Variants in ST14 observed in about 807,000 individuals in gnomAD.
ST14 encodes the protein suppressor of tumorigenicity 14 protein.
A neutral mutation model predicts 96.5 loss-of-function variants in ST14; 40 were observed. That is an observed-to-expected ratio of 0.41 (90% CI 0.32 to 0.54). ST14 has a LOEUF of 0.54. Ranked by LOEUF, ST14 falls within the 20% of genes least tolerant of loss-of-function variation. ST14 has a pLI of 0.17. For missense variants in ST14, 1,066 were observed against 1,188.9 expected (o/e 0.90, Z 1.52); for synonymous variants, 506 against 492.1 (o/e 1.03, Z -0.37).
rs1408855217 is a variant in ST14, at chr11:130,159,966, CG to C, written c.-12del. On this transcript the variant is annotated 5_prime_UTR_variant, in exon 1 of 19. Transcript: ENST00000278742. Reference sequence around the variant, plus strand: ...GGACGACGCCTGTGAGACCCGCGAGCGGCCTCGGGGACCATGGGGAGCGATC... The same window carrying C: ...GGACGACGCCTGTGAGACCCGCGAGCGCCTCGGGGACCATGGGGAGCGATC... 38 of 1,322,116 alleles carry C rather than the reference CG, an allele frequency of 2.9e-5. No individual in the cohort carries two copies. The highest frequency in any genetic ancestry group is 3.6e-5 in the Non-Finnish European group (37 of 1,024,010). 81.9% of individuals were successfully genotyped at this position (1,322,116 alleles called of 1,614,324 possible).
chr11:130,161,667 C>A (rs1330750127), intron 1 of ST14, among the ~76,000 whole-genome samples: 1 of 152,222 alleles, frequency 6.6e-6, no homozygotes, highest in East Asian at 1.9e-4. Context: ...CTCATTTCCT[C>A]CTCCTCTGCG....
At chr11:130,164,503 T>C (rs1228396163) in intron 1 of ST14, among the ~76,000 whole-genome samples, 1 of 151,902 alleles carries the variant, frequency 6.6e-6, no homozygotes, top group African/African-American at 2.4e-5. Context: ...CACTGCCACT[T>C]TGACCTCCCG....
rs1303724594 is a variant in ST14, at chr11:130,188,735, G to A, written c.369+78G>A. 17 of 1,611,672 alleles carry A rather than the reference G, an allele frequency of 1.1e-5. No homozygotes were observed. The highest frequency in any genetic ancestry group is 5.3e-5 in the African/African-American group (4 of 74,874). Reference sequence around the variant, plus strand: ...CTGCTGGGCAGGAGGGACATGCCTCGCCTGTGCTCCCAGGGCCCTGGGATG... The same window carrying A: ...CTGCTGGGCAGGAGGGACATGCCTCACCTGTGCTCCCAGGGCCCTGGGATG... On this transcript the variant is annotated intron_variant, in intron 3 of 18. Coordinates refer to ENST00000278742, the MANE Select transcript of ST14 (RefSeq NM_021978.4). This position sits in a 1 kb window ranked among gnomAD's most constrained non-coding sequence, Gnocchi z 5.4.
intron 9 of ST14, among the ~76,000 whole-genome samples, chr11:130,195,483 G>T (rs1953350495): frequency 6.6e-6 from 1 of 152,160 alleles, no homozygotes; most frequent in Non-Finnish European, 1.5e-5. Flanking sequence ...ATCAAAGAAG[G>T]TGTGTGAGAC....
At chr11:130,192,924 C>T (rs1446939819) in intron 7 of ST14, among the ~76,000 whole-genome samples, 1 of 152,090 alleles carries the variant, frequency 6.6e-6, no homozygotes, top group Non-Finnish European at 1.5e-5. Flanking sequence ...AGCTTGAATG[C>T]CTGAGTTTAA....
At position 130,160,009 on chromosome 11, in the gene ST14, A is replaced by AG. The variant is rs1325658486; in HGVS notation, c.35dup (p.Lys14GlufsTer86). The AG allele has an allele frequency of 1.4e-6, 2 of 1,423,242 alleles. No homozygotes were observed. Among genetic ancestry groups the AG allele is most frequent in the South Asian group, 1.5e-5 (1 of 68,034 alleles). The allele number at this position is 1,423,242 out of a possible 1,614,324, so 88.2% of individuals were successfully genotyped here. ...GGAGCGATCGGGCCCGCAAGGGCGG[A>AG]GGGGGCCCGAAGGACTTCGGCGCGG... On this transcript the variant is annotated frameshift_variant, in exon 1 of 19. Transcript: ENST00000278742. LOFTEE classifies it high-confidence loss of function.
intron 16 of ST14, among the ~76,000 whole-genome samples, chr11:130,204,994 G>A (rs1363285970): frequency 2.0e-5 from 3 of 152,128 alleles, no homozygotes; most frequent in Admixed American, 6.5e-5. Context: ...GGAAAATGAA[G>A]CGGGTCTTCA....
intron 1 of ST14, among the ~76,000 whole-genome samples, chr11:130,164,139 G>A (rs1011455737): frequency 2.0e-5 from 3 of 152,208 alleles, no homozygotes; most frequent in African/African-American, 7.2e-5. Flanking sequence ...AAGAGGAAGG[G>A]AAACGTGACA....
chr11:130,176,513 C>T (rs897852398), intron 1 of ST14, among the ~76,000 whole-genome samples: 3 of 151,560 alleles, frequency 2.0e-5, no homozygotes, highest in African/African-American at 4.8e-5. Flanking sequence ...CTCAGCCTCC[C>T]GAGTAGCTGG....
intron 1 of ST14, among the ~76,000 whole-genome samples, chr11:130,185,015 T>C (rs921686029): frequency 6.6e-6 from 1 of 152,186 alleles, no homozygotes; most frequent in African/African-American, 2.4e-5. Context: ...TGGCAAGGCA[T>C]GCACACAGAG....
intron 14 of ST14, 128 bp downstream of exon 14, chr11:130,198,749 G>A: frequency 7.3e-7 from 1 of 1,364,260 alleles, no homozygotes; most frequent in Non-Finnish European, 1.0e-6. Context: ...AGTGTGATGA[G>A]AAAGGGCTCT....
At chr11:130,163,491 G>A (rs1267279102) in intron 1 of ST14, among the ~76,000 whole-genome samples, 1 of 152,112 alleles carries the variant, frequency 6.6e-6, no homozygotes, top group Non-Finnish European at 1.5e-5. Flanking sequence ...CCAGGTGATC[G>A]ATCCTCCTTG....
chr11:130,175,500 C>G (rs1285050607), intron 1 of ST14, among the ~76,000 whole-genome samples: 1 of 151,998 alleles, frequency 6.6e-6, no homozygotes, highest in Non-Finnish European at 1.5e-5. Context: ...CCACCTCAGC[C>G]TCCCGAGTAG....
Position 130,198,047 on chromosome 11 carries a change from G to A in ST14, c.1459+102G>A, listed in dbSNP as rs1953387079. ...CTGCCGAGGCAGAAAGGCCGGAGGT[G>A]GTGGGAGTTTTTGCTCTCGGCCCTG... is the stretch of plus-strand genomic sequence containing the variant. On this transcript the variant is annotated intron_variant, in intron 12 of 18. Coordinates refer to ENST00000278742, the MANE Select transcript of ST14 (RefSeq NM_021978.4). The A allele has an allele frequency of 8.6e-6, 11 of 1,282,340 alleles. No homozygotes were observed. In the South Asian group the frequency reaches 1.4e-4, roughly 16 times the overall value. 79.4% of individuals were successfully genotyped at this position (1,282,340 alleles called of 1,614,324 possible).
chr11:130,194,350 TG>T, intron 8 of ST14, 62 bp downstream of exon 8: 1 of 1,605,788 alleles, frequency 6.2e-7, no homozygotes, highest in South Asian at 1.1e-5. Context: ...AAGGCCTTAG[TG>T]GGGGTGACCT....
chr11:130,159,835 G>A lies in ST14; in HGVS notation c.-145G>A, dbSNP rs1206579298. The A allele has an allele frequency of 4.0e-6, 1 of 247,764 alleles. No homozygotes were observed. Among genetic ancestry groups the A allele is most frequent in the African/African-American group, 2.3e-5 (1 of 43,538 alleles). 15.3% of individuals were successfully genotyped at this position (247,764 alleles called of 1,614,324 possible). A position where few individuals can be genotyped will look rare whatever the true frequency, so the allele number is the denominator to read the frequency against. On this transcript the variant is annotated 5_prime_UTR_variant, in exon 1 of 19. Coordinates refer to ENST00000278742, the MANE Select transcript of ST14 (RefSeq NM_021978.4). ...AGGAAGAGGGAGAGAGAGCGCGCCA[G>A]GGCGAGGGCACCGCCGCCGGTCGGG...
chr11:130,198,725 C>A, intron 14 of ST14, 104 bp downstream of exon 14: 1 of 1,328,656 alleles, frequency 7.5e-7, no homozygotes, highest in South Asian at 1.2e-5. Context: ...TGAACACAAA[C>A]CACCTGTGTG....
intron 16 of ST14, among the ~76,000 whole-genome samples, chr11:130,203,667 T>G (rs963903427): frequency 1.3e-5 from 2 of 152,134 alleles, no homozygotes; most frequent in Non-Finnish European, 2.9e-5. Flanking sequence ...TTTCTTTTTT[T>G]TTGAGACCGA....
In ST14 at chr11:130,188,656, C is replaced by T. The variant is rs776989571; in HGVS notation, c.368C>T (p.Ala123Val). ...AGCCTGGCCAGCAAGGTGAAGGACG[C>T]GGTGAGTGCAGCCTGCCCAGAGTCC... ...FVSLASKVKD[A>V]LKLLYSGVPF... The change falls in exon 3 of 19, where the codon GCG becomes GTG. Residue 123 changes from alanine to valine, a missense_variant and splice_region_variant. Coordinates refer to ENST00000278742, the MANE Select transcript of ST14 (RefSeq NM_021978.4). The surrounding 1 kb of genome is among the most constrained non-coding windows in gnomAD (Gnocchi z 5.4). The T allele has an allele frequency of 1.9e-5, 31 of 1,614,086 alleles. No individual in the cohort carries two copies. The South Asian group carries it at 2.1e-4, about 11-fold the overall frequency.
Sources: gnomAD v4.1 joint callset for allele counts (sites outside exome capture counted in the v4.1 genomes callset) on GRCh38, gnomAD v4.1.1 for gene constraint, Gnocchi (gnomAD v3.1) non-coding constraint, MANE v1.5 for transcripts, NCBI Gene and HGNC (gene_info 2026-07-23, HGNC 2026-07-21) for gene names.